The following PLXDC2 variants were observed in gnomAD, a reference collection of about 807,000 sequenced individuals.
The protein encoded by PLXDC2 is plexin domain-containing protein 2.
PLXDC2 carries 40 observed loss-of-function variants against 68.9 expected under a neutral mutation model. The ratio of observed to expected loss-of-function variants is 0.58; its 90% confidence interval spans 0.45 to 0.76. The LOEUF is 0.76. PLXDC2 is among the 30% of genes least tolerant of loss of function. The pLI, the probability that PLXDC2 is intolerant of heterozygous loss-of-function variation, is 0.00. For missense variants in PLXDC2, 644 were observed against 661.9 expected (o/e 0.97, Z 0.30); for synonymous variants, 243 against 234.2 (o/e 1.04, Z -0.34).
chr10:19,920,981 TC>T (rs755526500), intron 1 of PLXDC2, among the ~76,000 whole-genome samples: 3 of 151,882 alleles, frequency 2.0e-5, no homozygotes, highest in Non-Finnish European at 2.9e-5. Context: ...AGGCTGGAGT[TC>T]AGTGGCATGA....
rs984366843 is a variant in PLXDC2 at position 20,083,811 on chromosome 10, A to G, written c.541+15572A>G. Among the ~76,000 whole-genome samples the G allele has an allele frequency of 3.9e-5, 6 of 152,196 alleles. No homozygotes were observed. In the South Asian group the frequency reaches 6.2e-4, roughly 16 times the overall value. On this transcript the variant is annotated intron_variant, in intron 4 of 13. Transcript: ENST00000377252. Reference sequence around the variant, plus strand: ...AGTACCATTCTAAAACAAGGGACCCACAACACTAGTTTATTACATTCAAGA... The same window carrying G: ...AGTACCATTCTAAAACAAGGGACCCGCAACACTAGTTTATTACATTCAAGA...
intron 2 of PLXDC2, among the ~76,000 whole-genome samples, chr10:20,027,697 A>AC (rs1835427022): frequency 6.6e-6 from 1 of 151,736 alleles, no homozygotes; most frequent in African/African-American, 2.4e-5. Context: ...AACCTGAAAA[A>AC]AAAAAAAACC....
intron 13 of PLXDC2, among the ~76,000 whole-genome samples, chr10:20,250,854 T>G (rs1835666644): frequency 6.6e-6 from 1 of 152,214 alleles, no homozygotes; most frequent in Non-Finnish European, 1.5e-5. Flanking sequence ...TTGTCTATTT[T>G]TAGTGATGAT....
At chr10:20,006,221 A>G (rs1835027121) in intron 2 of PLXDC2, among the ~76,000 whole-genome samples, 1 of 152,252 alleles carries the variant, frequency 6.6e-6, no homozygotes, top group Non-Finnish European at 1.5e-5. Context: ...ACACGGTTGC[A>G]TCTCTTTTGG....
intron 2 of PLXDC2, among the ~76,000 whole-genome samples, chr10:20,031,945 G>A (rs1284718914): frequency 6.6e-6 from 1 of 151,888 alleles, no homozygotes; most frequent in Non-Finnish European, 1.5e-5. Flanking sequence ...TCAGCCTCCC[G>A]AGTAGCTGGG....
intron 3 of PLXDC2, among the ~76,000 whole-genome samples, chr10:20,064,163 A>G (rs1373664354): frequency 2.0e-5 from 3 of 151,566 alleles, no homozygotes; most frequent in Non-Finnish European, 4.4e-5. Flanking sequence ...GATGAAATCC[A>G]AGAGCACATA....
intron 1 of PLXDC2, among the ~76,000 whole-genome samples, chr10:19,931,391 C>T (rs1016405985): frequency 1.3e-5 from 2 of 152,168 alleles, no homozygotes; most frequent in Non-Finnish European, 2.9e-5. Flanking sequence ...AAGCTTCAGC[C>T]CAACAGCTGT....
intron 1 of PLXDC2, among the ~76,000 whole-genome samples, chr10:19,988,772 G>A (rs1190562520): frequency 8.6e-6 from 1 of 116,020 alleles, no homozygotes; most frequent in Non-Finnish European, 1.7e-5. Flanking sequence ...AGTTAATAAT[G>A]CCACTTTTTT....
At chr10:20,133,119 T>G (rs1171816337) in intron 4 of PLXDC2, among the ~76,000 whole-genome samples, 1 of 152,224 alleles carries the variant, frequency 6.6e-6, no homozygotes, top group Non-Finnish European at 1.5e-5. Flanking sequence ...CTTCTCATAT[T>G]TTTTGTAGAT....
intron 4 of PLXDC2, among the ~76,000 whole-genome samples, chr10:20,101,447 A>G (rs1355494567): frequency 6.6e-6 from 1 of 152,152 alleles, no homozygotes; most frequent in African/African-American, 2.4e-5. Flanking sequence ...CTCTTCAGCT[A>G]TTGTGCACTT....
chr10:20,031,360 A>T (rs1409488732), intron 2 of PLXDC2, among the ~76,000 whole-genome samples: 1 of 151,996 alleles, frequency 6.6e-6, no homozygotes, highest in East Asian at 1.9e-4. Context: ...ACAGAGCAAG[A>T]TCCTATTAAA....
intron 1 of PLXDC2, among the ~76,000 whole-genome samples, chr10:19,989,677 TA>T (rs1242357937): frequency 1.3e-5 from 2 of 151,992 alleles, no homozygotes; most frequent in African/African-American, 2.4e-5. Flanking sequence ...TTTAATGATT[TA>T]TTTTTTATAT....
At chr10:19,933,538 G>A (rs1833674475) in intron 1 of PLXDC2, among the ~76,000 whole-genome samples, 1 of 152,146 alleles carries the variant, frequency 6.6e-6, no homozygotes, top group East Asian at 1.9e-4. Context: ...GCAGGCTGAG[G>A]CAGAGAATTG....
intron 2 of PLXDC2, among the ~76,000 whole-genome samples, chr10:20,015,794 A>G (rs999592759): frequency 4.6e-5 from 7 of 152,188 alleles, no homozygotes; most frequent in African/African-American, 1.7e-4. Flanking sequence ...TCTCATCCTC[A>G]TTGGCCTCCT....
intron 3 of PLXDC2, among the ~76,000 whole-genome samples, chr10:20,059,788 A>C (rs944495733): frequency 2.0e-5 from 3 of 152,068 alleles, no homozygotes; most frequent in African/African-American, 7.3e-5. Context: ...TTTAAAAAAA[A>C]ATTCTACATG....
Position 20,238,668 on chromosome 10 carries a change from T to TATATATACACAC in PLXDC2, c.1313-6670_1313-6669insCACACATATATA, listed in dbSNP as rs1835468037. Among the ~76,000 whole-genome samples, 8 of 96,770 alleles carry TATATATACACAC rather than the reference T, an allele frequency of 8.3e-5. No individual in the cohort carries two copies. The East Asian group carries it at 2.0e-3, about 24-fold the overall frequency. 63.5% of individuals were successfully genotyped at this position (96,770 alleles called of 152,430 possible). A position where few individuals can be genotyped will look rare whatever the true frequency, so the allele number is the denominator to read the frequency against. ...AAGACTCCATCTCAAAAAAAATATA[T>TATATATACACAC]ATATATATGTATATATATATATATA... is the stretch of plus-strand genomic sequence containing the variant. On this transcript the variant is annotated intron_variant, in intron 12 of 13. Coordinates refer to ENST00000377252, the MANE Select transcript of PLXDC2 (RefSeq NM_032812.9).
intron 1 of PLXDC2, among the ~76,000 whole-genome samples, chr10:19,975,830 C>T (rs1834445437): frequency 6.6e-6 from 1 of 151,740 alleles, no homozygotes; most frequent in Admixed American, 6.6e-5. Flanking sequence ...ATGGTAAAAC[C>T]CCATCTCCAC....
chr10:19,832,159 C>G (rs931647618), intron 1 of PLXDC2, among the ~76,000 whole-genome samples: 2 of 152,066 alleles, frequency 1.3e-5, no homozygotes, highest in African/African-American at 4.8e-5. Context: ...TTGGGGTTCT[C>G]CAGAATTTAA....
intron 1 of PLXDC2, among the ~76,000 whole-genome samples, chr10:19,833,867 A>G (rs1254539738): frequency 1.3e-5 from 2 of 152,228 alleles, no homozygotes; most frequent in Non-Finnish European, 2.9e-5. Flanking sequence ...ATAGAAGATA[A>G]GAAATGTCAA....
Sources: gnomAD v4.1 joint callset for allele counts (sites outside exome capture counted in the v4.1 genomes callset) on GRCh38, gnomAD v4.1.1 for gene constraint, MANE v1.5 for transcripts, NCBI Gene and HGNC (gene_info 2026-07-23, HGNC 2026-07-21) for gene names.